The following SEMA3C variants were observed in gnomAD, a reference collection of about 807,000 sequenced individuals.
The protein encoded by SEMA3C is semaphorin-3C.
A neutral mutation model predicts 89.4 loss-of-function variants in SEMA3C; 47 were observed. The observed-to-expected ratio is 0.53, with a 90% CI of 0.42 to 0.67. The LOEUF (loss-of-function observed/expected upper bound fraction) is 0.67, where lower values mean the gene tolerates loss of function less well. SEMA3C is among the 30% of genes least tolerant of loss of function. SEMA3C has a pLI of 0.00. For missense variants in SEMA3C, 839 were observed against 929.1 expected, an observed-to-expected ratio of 0.90 and a Z score of 1.26; for synonymous variants, 310 against 320.2, an observed-to-expected ratio of 0.97 and a Z score of 0.34.
At chr7:80,804,948 G>A (rs1039925795) in intron 7 of SEMA3C, among the ~76,000 whole-genome samples, 1 of 152,072 alleles carries the variant, frequency 6.6e-6, no homozygotes, top group Non-Finnish European at 1.5e-5. Flanking sequence ...AGGGTGAAAT[G>A]ACAAGAATCT....
At chr7:80,846,841 A>C (rs1790402638) in intron 2 of SEMA3C, among the ~76,000 whole-genome samples, 1 of 152,238 alleles carries the variant, frequency 6.6e-6, no homozygotes, top group African/African-American at 2.4e-5. Context: ...ATACATAAAG[A>C]AACTACACTT....
rs146938064 is a variant in SEMA3C at position 80,881,764 on chromosome 7, G to T, written c.103+34915C>A. Reference sequence around the variant, plus strand: ...TCCTTATGGAGATAACCCATTAGTAGGGCCTCTAAACAGGCAGTGCATTAA... The same window carrying T: ...TCCTTATGGAGATAACCCATTAGTATGGCCTCTAAACAGGCAGTGCATTAA... On this transcript the variant is annotated intron_variant, in intron 2 of 17. Transcript: ENST00000265361. 2.6e-5 allele frequency among the ~76,000 whole-genome samples: 4 copies of T among 152,216 alleles called. No homozygotes were observed. The East Asian group carries it at 7.7e-4, about 29-fold the overall frequency.
At chr7:80,778,809 C>G (rs759283972) in intron 12 of SEMA3C, among the ~76,000 whole-genome samples, 13 of 152,212 alleles carry the variant, frequency 8.5e-5, no homozygotes, top group Non-Finnish European at 1.5e-4. Context: ...ATCTTGACCA[C>G]CGCATCTTCC....
rs1019116768 is a variant in SEMA3C at position 80,916,772 on chromosome 7, G to A, written c.10C>T (p.Arg4Trp). The change falls in exon 2 of 18, where the codon CGG (arginine) becomes TGG (tryptophan). Residue 4 changes from arginine (R) to tryptophan (W), a missense_variant. Transcript: ENST00000265361. Reference protein sequence around the residue: MAFRTICVLVGVFI... With the variant: MAFWTICVLVGVFI... ...ACTCCAACCAACACGCAAATTGTCC[G>A]GAATGCCATTTCTTCAGATATGCAA... 6 of 1,613,030 alleles carry A rather than the reference G, an allele frequency of 3.7e-6. No homozygotes were observed. Among genetic ancestry groups the A allele is most frequent in the Non-Finnish European group, 3.4e-6 (4 of 1,179,482 alleles).
chr7:80,812,721 C>G (rs563609301), intron 5 of SEMA3C, among the ~76,000 whole-genome samples: 1 of 152,194 alleles, frequency 6.6e-6, no homozygotes, highest in South Asian at 2.1e-4. Flanking sequence ...GAAATCTTCT[C>G]TGTTTCTCCC....
intron 8 of SEMA3C, among the ~76,000 whole-genome samples, chr7:80,803,569 T>G (rs1789263449): frequency 6.6e-6 from 1 of 152,224 alleles, no homozygotes; most frequent in Non-Finnish European, 1.5e-5. Flanking sequence ...CAAATTTTCT[T>G]GTGTTGCTAT....
chr7:80,846,304 A>G (rs1790388631), intron 2 of SEMA3C, among the ~76,000 whole-genome samples: 1 of 152,102 alleles, frequency 6.6e-6, no homozygotes, highest in African/African-American at 2.4e-5. Flanking sequence ...CTTCTCAGCC[A>G]TATTCATACT....
At chr7:80,781,294 C>T (rs1788684962) in intron 12 of SEMA3C, among the ~76,000 whole-genome samples, 1 of 152,170 alleles carries the variant, frequency 6.6e-6, no homozygotes, top group Admixed American at 6.5e-5. Flanking sequence ...GAGATTAGGA[C>T]ATAGAGATCT....
At chr7:80,804,844 T>G (rs1160949757) in intron 7 of SEMA3C, among the ~76,000 whole-genome samples, 2 of 152,288 alleles carry the variant, frequency 1.3e-5, no homozygotes, top group East Asian at 1.9e-4. Flanking sequence ...TGCTGGCCTA[T>G]CAGCGAAATA....
intron 14 of SEMA3C, among the ~76,000 whole-genome samples, chr7:80,760,794 A>G (rs547391069): frequency 6.6e-6 from 1 of 152,332 alleles, no homozygotes; most frequent in African/African-American, 2.4e-5. Flanking sequence ...ATTACCTTAC[A>G]AATGTAGAAA....
intron 4 of SEMA3C, among the ~76,000 whole-genome samples, chr7:80,823,421 G>A (rs1252748309): frequency 6.6e-6 from 1 of 152,168 alleles, no homozygotes; most frequent in South Asian, 2.1e-4. Flanking sequence ...AAAGATTGTT[G>A]TATTGAAAAT....
At chr7:80,899,787 C>A (rs1341852353) in intron 2 of SEMA3C, among the ~76,000 whole-genome samples, 2 of 152,184 alleles carry the variant, frequency 1.3e-5, no homozygotes, top group Non-Finnish European at 2.9e-5. Context: ...AAGTCTAATT[C>A]TTAAATGTTA....
intron 2 of SEMA3C, among the ~76,000 whole-genome samples, chr7:80,842,781 T>C (rs1293830419): frequency 6.6e-6 from 1 of 152,060 alleles, no homozygotes; most frequent in African/African-American, 2.4e-5. Flanking sequence ...CAAGATTAAG[T>C]CAAACAAGCC....
At chr7:80,878,805 G>A (rs1223106905) in intron 2 of SEMA3C, among the ~76,000 whole-genome samples, 1 of 152,072 alleles carries the variant, frequency 6.6e-6, no homozygotes, top group Non-Finnish European at 1.5e-5. Context: ...TGATGAGATT[G>A]CCCAGAATGT....
At chr7:80,833,496 G>A (rs572878705) in intron 2 of SEMA3C, among the ~76,000 whole-genome samples, 17 of 151,830 alleles carry the variant, frequency 1.1e-4, no homozygotes, top group African/African-American at 4.1e-4. Context: ...AAAGAAAATC[G>A]TCAATCTATC....
intron 2 of SEMA3C, among the ~76,000 whole-genome samples, 200 bp downstream of exon 2, chr7:80,916,479 T>C (rs1010878032): frequency 3.9e-5 from 6 of 152,322 alleles, no homozygotes; most frequent in Admixed American, 1.3e-4. Context: ...AGCATTTTCA[T>C]AAATACCTCA....
intron 14 of SEMA3C, among the ~76,000 whole-genome samples, chr7:80,759,505 T>C (rs1788137614): frequency 2.0e-5 from 3 of 152,146 alleles, no homozygotes; most frequent in Admixed American, 2.0e-4. Flanking sequence ...TCCTCACTAG[T>C]AAAATTAGGA....
rs866424957 is a variant in SEMA3C at position 80,863,906 on chromosome 7, T to C, written c.104-35161A>G. ...ACATATATATCACACATATATTACA[T>C]ATATATCACATATATATCATATATA... On this transcript the variant is annotated intron_variant, in intron 2 of 17. Coordinates refer to ENST00000265361, the MANE Select transcript of SEMA3C (RefSeq NM_006379.5). 5.1e-4 allele frequency among the ~76,000 whole-genome samples: 61 copies of C among 118,704 alleles called. 1 individual carries two copies. The highest frequency in any genetic ancestry group is 2.2e-3 in the African/African-American group (53 of 23,990). 77.9% of individuals were successfully genotyped at this position (118,704 alleles called of 152,430 possible).
chr7:80,796,268 G>C (rs2115630521), intron 11 of SEMA3C: 1 of 152,256 alleles, frequency 6.6e-6, no homozygotes, highest in South Asian at 2.1e-4. Context: ...AAAATATGTT[G>C]AGTAAAATAA....
Sources: allele counts gnomAD v4.1 joint callset (sites outside exome capture counted in the v4.1 genomes callset), GRCh38; gene constraint gnomAD v4.1.1; transcripts MANE v1.5; gene names NCBI Gene and HGNC (gene_info 2026-07-23, HGNC 2026-07-21).